Variants in CFAP20DC observed in about 807,000 individuals in gnomAD.
CFAP20DC encodes the protein protein CFAP20DC.
CFAP20DC carries 84 observed loss-of-function variants against 101.7 expected under a neutral mutation model. The ratio of observed to expected loss-of-function variants is 0.83; its 90% confidence interval spans 0.69 to 0.99. The LOEUF (loss-of-function observed/expected upper bound fraction) is 0.99, where lower values mean the gene tolerates loss of function less well. CFAP20DC is among the 50% of genes least tolerant of loss of function. The pLI, the probability that CFAP20DC is intolerant of heterozygous loss-of-function variation, is 0.00. For missense variants in CFAP20DC, 1,007 were observed against 970.3 expected (o/e 1.04, Z -0.50); for synonymous variants, 359 against 351.2 (o/e 1.02, Z -0.25).
chr3:59,012,786 G>T (rs1173534664), intron 4 of CFAP20DC, among the ~76,000 whole-genome samples: 2 of 152,078 alleles, frequency 1.3e-5, no homozygotes, highest in Admixed American at 6.6e-5. Flanking sequence ...AGAGAAATAA[G>T]ACTTGAGAGA....
intron 11 of CFAP20DC, among the ~76,000 whole-genome samples, chr3:58,865,339 C>T (rs187858617): frequency 4.2e-4 from 64 of 152,180 alleles, no homozygotes; most frequent in African/African-American, 1.3e-3. Context: ...ACACAATTGC[C>T]TTTATCTGTT....
At chr3:58,803,592 T>C (rs931551200) in intron 15 of CFAP20DC, among the ~76,000 whole-genome samples, 6 of 152,252 alleles carry the variant, frequency 3.9e-5, no homozygotes, top group Non-Finnish European at 7.3e-5. Context: ...TATATGATGA[T>C]ATATACTGAC....
intron 15 of CFAP20DC, among the ~76,000 whole-genome samples, chr3:58,773,615 C>G (rs1363976637): frequency 6.6e-6 from 1 of 151,994 alleles, no homozygotes; most frequent in Non-Finnish European, 1.5e-5. Context: ...CATTTTGGGT[C>G]TTTACAAATA....
chr3:59,021,590 C>A (rs2093803644), intron 4 of CFAP20DC, among the ~76,000 whole-genome samples: 1 of 152,036 alleles, frequency 6.6e-6, no homozygotes, highest in Non-Finnish European at 1.5e-5. Flanking sequence ...AATGATTGGC[C>A]AAGGACCAAT....
rs2069189067 is a variant in CFAP20DC, at chr3:58,758,591, GGTTT to G, written c.2238-4732_2238-4729del. ...TTAGGGTACATGTGCACAACGTGCAGGTTTGTTACATATGTACACATGTGCCATG... is the reference window on the plus strand; with the variant it reads ...TTAGGGTACATGTGCACAACGTGCAGGTTACATATGTACACATGTGCCATG... On this transcript the variant is annotated intron_variant, in intron 15 of 16. Coordinates refer to ENST00000482387, the MANE Select transcript of CFAP20DC (RefSeq NM_001394063.1). 3.3e-5 allele frequency among the ~76,000 whole-genome samples: 5 copies of G among 152,140 alleles called. No homozygotes were observed. The South Asian group carries it at 8.3e-4, about 25-fold the overall frequency.
At chr3:58,846,939 T>C (rs1460093264) in intron 13 of CFAP20DC, among the ~76,000 whole-genome samples, 1 of 148,762 alleles carries the variant, frequency 6.7e-6, no homozygotes, top group East Asian at 2.0e-4. Flanking sequence ...TAATAAATGG[T>C]GCTGGGAAAA....
chr3:58,749,112 A>C (rs1273792125), intron 16 of CFAP20DC, among the ~76,000 whole-genome samples: 1 of 152,210 alleles, frequency 6.6e-6, no homozygotes. Context: ...AGGTACAAAA[A>C]AGATCAAAAG....
At chr3:58,985,729 A>G in intron 4 of CFAP20DC, among the ~76,000 whole-genome samples, 1 of 152,184 alleles carries the variant, frequency 6.6e-6, no homozygotes, top group East Asian at 1.9e-4. Context: ...TCTAACTAAA[A>G]GGCAAAAATA....
At chr3:58,738,843 T>C (rs1307163911), downstream of CFAP20DC, among the ~76,000 whole-genome samples, 1 of 152,204 alleles carries the variant, frequency 6.6e-6, no homozygotes, top group African/African-American at 2.4e-5. This position sits in a 1 kb window ranked among gnomAD's most constrained non-coding sequence, Gnocchi z 4.4. Context: ...CATGTTTTGA[T>C]AGTGTACTTG....
In CFAP20DC at chr3:58,863,731, G is replaced by C; in HGVS notation, c.1420C>G (p.Pro474Ala). ...DQQAEESQSVPKDIFTFSSRP... is the reference protein window; with the variant it reads ...DQQAEESQSVAKDIFTFSSRP... ...GATGAAAAAGTGAAAATGTCCTTTGGAACACTCTGGGATTCCTCTGCCTGC... is the reference window on the plus strand; with the variant it reads ...GATGAAAAAGTGAAAATGTCCTTTGCAACACTCTGGGATTCCTCTGCCTGC... Residue 474 changes from proline to alanine, a missense_variant, in exon 12 of 17, where the codon CCA becomes GCA. Pro to Ala is a conservative substitution (Grantham distance 27). Coordinates refer to ENST00000482387, the MANE Select transcript of CFAP20DC (RefSeq NM_001394063.1). This position sits in a 1 kb window ranked among gnomAD's most constrained non-coding sequence, Gnocchi z 5.9. The C allele has an allele frequency of 6.2e-7, 1 of 1,614,170 alleles. No homozygotes were observed. Among genetic ancestry groups the C allele is most frequent in the Non-Finnish European group, 8.5e-7 (1 of 1,180,040 alleles).
chr3:58,998,416 T>C (rs886698639), intron 4 of CFAP20DC, among the ~76,000 whole-genome samples: 2 of 152,214 alleles, frequency 1.3e-5, no homozygotes, highest in Non-Finnish European at 2.9e-5. Flanking sequence ...TTAAACTATA[T>C]GACACCCACC....
chr3:58,876,489 T>C (rs567071688), intron 7 of CFAP20DC, among the ~76,000 whole-genome samples: 1 of 152,194 alleles, frequency 6.6e-6, no homozygotes, highest in African/African-American at 2.4e-5. Flanking sequence ...AGGTTAAAAA[T>C]CAAGATTAGA....
intron 5 of CFAP20DC, among the ~76,000 whole-genome samples, chr3:58,919,211 C>A (rs897234761): frequency 2.0e-5 from 3 of 152,046 alleles, no homozygotes; most frequent in African/African-American, 4.8e-5. Context: ...GTGTCTTTCA[C>A]TCAGCATAAT....
chr3:58,767,017 C>T (rs550882793), intron 15 of CFAP20DC, among the ~76,000 whole-genome samples: 1 of 152,286 alleles, frequency 6.6e-6, no homozygotes, highest in Admixed American at 6.5e-5. Context: ...TAATTACAAC[C>T]TCGTTTGTTT....
intron 5 of CFAP20DC, among the ~76,000 whole-genome samples, chr3:58,937,444 G>C (rs1158102515): frequency 6.6e-6 from 1 of 152,060 alleles, no homozygotes. Flanking sequence ...ACACAGTTTT[G>C]GTGATTTTAT....
At chr3:58,824,446 T>C (rs763474087) in intron 14 of CFAP20DC, 1 of 152,152 alleles carries the variant, frequency 6.6e-6, no homozygotes, top group Non-Finnish European at 1.5e-5. Context: ...TATTCATATA[T>C]AATTAACTAC....
rs546485854 is a variant in CFAP20DC, at chr3:58,882,809, G to A, written c.715+1736C>T. 1.8e-4 allele frequency among the ~76,000 whole-genome samples: 28 copies of A among 152,258 alleles called. No individual in the cohort carries two copies. The highest frequency in any genetic ancestry group is 1.1e-3 in the Admixed American group (17 of 15,282). On this transcript the variant is annotated intron_variant, in intron 7 of 16. Coordinates refer to ENST00000482387, the MANE Select transcript of CFAP20DC (RefSeq NM_001394063.1). The surrounding 1 kb of genome is among the most constrained non-coding windows in gnomAD (Gnocchi z 4.2). ...TATCAAAAAGTCCTACCTAAAGTTG[G>A]TAACTGTGGAAGCAGGTGATTGGGT...
rs372831618 is a variant in CFAP20DC, at chr3:58,946,867, A to C, written c.279-9105T>G. On this transcript the variant is annotated intron_variant, in intron 4 of 16. Transcript: ENST00000482387. ...TGGGACATGGAAGAGCAACATCTAA[A>C]TCCCTACCATGTGCCAGAACCTGCA... Among the ~76,000 whole-genome samples the C allele has an allele frequency of 1.8e-3, 272 of 152,282 alleles. 13 individuals carry two copies. The South Asian group carries it at 0.054, about 30-fold the overall frequency.
chr3:58,853,477 C>A (rs1467327988), intron 12 of CFAP20DC, among the ~76,000 whole-genome samples: 3 of 152,168 alleles, frequency 2.0e-5, no homozygotes, highest in Non-Finnish European at 2.9e-5. Flanking sequence ...CTCCCTAAAT[C>A]ATTTTATGAG....
Sources: gnomAD v4.1 joint callset for allele counts (sites outside exome capture counted in the v4.1 genomes callset) on GRCh38, gnomAD v4.1.1 for gene constraint, Gnocchi (gnomAD v3.1) non-coding constraint, MANE v1.5 for transcripts, NCBI Gene and HGNC (gene_info 2026-07-23, HGNC 2026-07-21) for gene names.